FKTN: variants seen among roughly 807,000 people sequenced by gnomAD.
The protein encoded by FKTN is fukutin.
A neutral mutation model predicts 58.6 loss-of-function variants in FKTN; 47 were observed. The ratio of observed to expected loss-of-function variants is 0.80; its 90% CI spans 0.63 to 1.02. The LOEUF (loss-of-function observed/expected upper bound fraction) is 1.02. Among genes scored for constraint, FKTN ranks in the 50% least tolerant of loss-of-function variants. FKTN has a pLI of 0.00. For synonymous variants in FKTN, 178 were observed against 191.9 expected (o/e 0.93, Z 0.60); for missense variants, 516 against 537.3 (o/e 0.96, Z 0.39).
At chr9:105,611,453 C>G (rs1176848633) in intron 7 of FKTN, among the ~76,000 whole-genome samples, 1 of 152,058 alleles carries the variant, frequency 6.6e-6, no homozygotes, top group Non-Finnish European at 1.5e-5. Flanking sequence ...TTTCACCACC[C>G]AAGTATTAAG....
In FKTN at chr9:105,635,756, C is replaced by T. The variant is rs1374324259; in HGVS notation, c.*492C>T. Reference sequence around the variant, plus strand: ...GAGTCTGAGTTAATATTCAAGTGATCAGACTTTGAGTGACATCAAGAAAAG... The same window carrying T: ...GAGTCTGAGTTAATATTCAAGTGATTAGACTTTGAGTGACATCAAGAAAAG... On this transcript the variant is annotated 3_prime_UTR_variant, in exon 11 of 11. Coordinates refer to ENST00000357998, the MANE Select transcript of FKTN (RefSeq NM_001079802.2). 2.0e-6 allele frequency: 2 copies of T among 1,010,070 alleles called. No individual in the cohort carries two copies. The highest frequency in any genetic ancestry group is 4.1e-5 in the South Asian group (1 of 24,286). 62.6% of individuals were successfully genotyped at this position (1,010,070 alleles called of 1,614,324 possible).
chr9:105,610,143 C>G (rs997873620), intron 7 of FKTN, among the ~76,000 whole-genome samples: 1 of 151,908 alleles, frequency 6.6e-6, no homozygotes, highest in Non-Finnish European at 1.5e-5. Context: ...CACTTTAGTA[C>G]TTTTTGGCAC....
intron 3 of FKTN, among the ~76,000 whole-genome samples, chr9:105,576,192 G>T (rs140743650): frequency 0.052 from 7,176 of 137,782 alleles, 272 homozygotes; most frequent in Non-Finnish European, 0.08. Flanking sequence ...TATACTTTAA[G>T]TTTTAGGGTA....
At chr9:105,626,442 A>G (rs907881090) in intron 10 of FKTN, among the ~76,000 whole-genome samples, 3 of 152,080 alleles carry the variant, frequency 2.0e-5, no homozygotes, top group African/African-American at 7.2e-5. Flanking sequence ...GGCCTTTTTT[A>G]TAAAGTTTCC....
chr9:105,580,242 A>T (rs909937059), intron 3 of FKTN, among the ~76,000 whole-genome samples: 1 of 152,068 alleles, frequency 6.6e-6, no homozygotes, highest in African/African-American at 2.4e-5. Context: ...TCGTTAGTTG[A>T]CGCAGTTTCT....
chr9:105,589,943 T>G (rs1844571239), intron 3 of FKTN, among the ~76,000 whole-genome samples: 1 of 152,202 alleles, frequency 6.6e-6, no homozygotes, highest in Non-Finnish European at 1.5e-5. Context: ...GGTTAGAGTT[T>G]CCTGTTACTT....
At chr9:105,570,852 A>C (rs1010780865) in intron 1 of FKTN, among the ~76,000 whole-genome samples, 4 of 152,184 alleles carry the variant, frequency 2.6e-5, no homozygotes, top group Non-Finnish European at 5.9e-5. Flanking sequence ...ATGAAAAGAA[A>C]GTAAACTGGT....
chr9:105,607,960 C>T lies in FKTN; in HGVS notation c.780+9C>T. 1 of 1,608,076 alleles carries T rather than the reference C, an allele frequency of 6.2e-7. No homozygotes were observed. Among genetic ancestry groups the T allele is most frequent in the Non-Finnish European group, 8.5e-7 (1 of 1,174,846 alleles). ...CTCGAGCATTCTTTCAGGTTAGAGACAACCAAATGTGTACTTTTAAATTAA... is the reference window on the plus strand; with the variant it reads ...CTCGAGCATTCTTTCAGGTTAGAGATAACCAAATGTGTACTTTTAAATTAA... On this transcript the variant is annotated intron_variant, in intron 7 of 10. Coordinates refer to ENST00000357998, the MANE Select transcript of FKTN (RefSeq NM_001079802.2).
At chr9:105,583,013 G>A (rs901310049) in intron 3 of FKTN, among the ~76,000 whole-genome samples, 1 of 152,182 alleles carries the variant, frequency 6.6e-6, no homozygotes, top group Non-Finnish European at 1.5e-5. Context: ...GATCTAGCAG[G>A]CTTCTAGTTT....
intron 1 of FKTN, among the ~76,000 whole-genome samples, chr9:105,561,860 A>G (rs1838354466): frequency 1.3e-5 from 2 of 152,190 alleles, no homozygotes; most frequent in South Asian, 4.1e-4. Flanking sequence ...GTATTTAGGG[A>G]AGATTTGATA....
At chr9:105,601,015 C>T in intron 4 of FKTN, 130 bp from the exon 5 acceptor site, 2 of 632,204 alleles carry the variant, frequency 3.2e-6, no homozygotes, top group Non-Finnish European at 5.6e-6. Flanking sequence ...TATTTTTTAG[C>T]ACAATGATAA....
At chr9:105,616,997 A>G (rs182467779) in intron 8 of FKTN, among the ~76,000 whole-genome samples, 1 of 152,200 alleles carries the variant, frequency 6.6e-6, no homozygotes, top group African/African-American at 2.4e-5. Context: ...TAGTCATTTG[A>G]CATGATTTGT....
chr9:105,604,351 A>G lies in FKTN; in HGVS notation c.506A>G (p.His169Arg), dbSNP rs1828466393. The G allele has an allele frequency of 2.5e-6, 4 of 1,614,060 alleles. No homozygotes were observed. The highest frequency in any genetic ancestry group is 3.4e-6 in the Non-Finnish European group (4 of 1,180,024). The change falls in exon 6 of 11, where the codon CAT (histidine) becomes CGT (arginine). Residue 169 changes from histidine to arginine, a missense_variant. Transcript: ENST00000357998. ...PLHYICKLAT[H>R]AIHLVVFHER... ...CACTATATCTGCAAACTGGCCACTC[A>G]TGCGATCCACTTGGTAGTCTTTCAT...
intron 2 of FKTN, chr9:105,574,373 G>A (rs2132003147): frequency 6.6e-6 from 1 of 152,138 alleles, no homozygotes; most frequent in African/African-American, 2.4e-5. Flanking sequence ...TTATCCTAAA[G>A]GAATAATCAG....
At chr9:105,621,032 A>G (rs913206956) in intron 10 of FKTN, among the ~76,000 whole-genome samples, 1 of 152,146 alleles carries the variant, frequency 6.6e-6, no homozygotes, top group African/African-American at 2.4e-5. Context: ...TCTCACTGAC[A>G]TGATCCGAAA....
chr9:105,630,574 A>G (rs564611091), intron 10 of FKTN, among the ~76,000 whole-genome samples: 1 of 152,302 alleles, frequency 6.6e-6, no homozygotes, highest in South Asian at 2.1e-4. Context: ...CTAAATAACT[A>G]TTTTATGAGA....
intron 2 of FKTN, 49 bp downstream of exon 2, chr9:105,573,795 A>G (rs1841203328): frequency 6.6e-6 from 1 of 152,234 alleles, no homozygotes; most frequent in Non-Finnish European, 1.5e-5. Context: ...TAAATTACCT[A>G]TCAGGAGTTG....
intron 4 of FKTN, chr9:105,597,984 G>C (rs1181464635): frequency 3.0e-6 from 1 of 332,764 alleles, no homozygotes; most frequent in Non-Finnish European, 6.2e-6. Context: ...AGCAGTCAGA[G>C]AAAGTACAGG....
At chr9:105,615,918 A>T (rs1053074173) in intron 8 of FKTN, among the ~76,000 whole-genome samples, 2 of 152,188 alleles carry the variant, frequency 1.3e-5, no homozygotes, top group African/African-American at 4.8e-5. Flanking sequence ...ATTTTACTGT[A>T]CTCACTGTTA....
Sources: allele counts gnomAD v4.1 joint callset (sites outside exome capture counted in the v4.1 genomes callset), GRCh38; gene constraint gnomAD v4.1.1; transcripts MANE v1.5; gene names NCBI Gene and HGNC (gene_info 2026-07-23, HGNC 2026-07-21).